SCFD2: variants seen among roughly 807,000 people sequenced by gnomAD.
SCFD2 encodes the protein sec1 family domain containing 2, also known as sec1 family domain-containing protein 2.
A neutral mutation model predicts 58.9 loss-of-function variants in SCFD2; 54 were observed. That is an observed-to-expected ratio of 0.92 (90% CI 0.74 to 1.15). The LOEUF (loss-of-function observed/expected upper bound fraction) is 1.15. SCFD2 is among the 50% of genes most tolerant of loss of function. The probability of loss-of-function intolerance (pLI) is 0.00; values close to 1 mark genes in which losing one functional copy is unlikely to be tolerated. For synonymous variants in SCFD2, 321 were observed against 335.9 expected, an observed-to-expected ratio of 0.96 and a Z score of 0.49; for missense variants, 805 against 836.6, an observed-to-expected ratio of 0.96 and a Z score of 0.47.
chr4:53,097,064 A>T (rs1724673002), intron 5 of SCFD2, among the ~76,000 whole-genome samples: 1 of 152,012 alleles, frequency 6.6e-6, no homozygotes, highest in South Asian at 2.1e-4. Context: ...GTTCTGTTCC[A>T]TTGGTCTATA....
At chr4:53,040,237 A>G (rs1459872598) in intron 5 of SCFD2, among the ~76,000 whole-genome samples, 1 of 152,160 alleles carries the variant, frequency 6.6e-6, no homozygotes, top group Non-Finnish European at 1.5e-5. Context: ...GAAGCAATAT[A>G]TCTTTATCTG....
chr4:53,081,788 C>T (rs1342956177), intron 5 of SCFD2, among the ~76,000 whole-genome samples: 1 of 152,090 alleles, frequency 6.6e-6, no homozygotes, highest in African/African-American at 2.4e-5. Flanking sequence ...ACTGAAATCA[C>T]CCCTTAAAGA....
intron 5 of SCFD2, among the ~76,000 whole-genome samples, chr4:53,070,083 T>A (rs1477135654): frequency 6.6e-6 from 1 of 152,004 alleles, no homozygotes; most frequent in African/African-American, 2.4e-5. Flanking sequence ...TTCTTACTAG[T>A]CATTAATTAA....
At chr4:53,105,581 C>A (rs911240412) in intron 5 of SCFD2, among the ~76,000 whole-genome samples, 2 of 152,196 alleles carry the variant, frequency 1.3e-5, no homozygotes, top group African/African-American at 4.8e-5. Flanking sequence ...GAAGTTCAAA[C>A]AAGATGGAGC....
At chr4:53,059,093 G>A (rs1165933532) in intron 5 of SCFD2, among the ~76,000 whole-genome samples, 2 of 152,086 alleles carry the variant, frequency 1.3e-5, no homozygotes, top group African/African-American at 4.8e-5. Context: ...AAGCAGTTTA[G>A]AATATCAAAT....
intron 5 of SCFD2, among the ~76,000 whole-genome samples, chr4:53,132,676 T>C (rs913290283): frequency 1.3e-5 from 2 of 152,196 alleles, no homozygotes; most frequent in African/African-American, 4.8e-5. Flanking sequence ...CAGTCATTGT[T>C]TTGTACACTT....
At chr4:53,295,924 T>C (rs1408302336) in intron 3 of SCFD2, among the ~76,000 whole-genome samples, 2 of 152,366 alleles carry the variant, frequency 1.3e-5, no homozygotes, top group East Asian at 1.9e-4. Flanking sequence ...GTTCTGTTTA[T>C]GTGATGGATT....
chr4:53,227,394 T>A (rs1365986832), intron 4 of SCFD2, among the ~76,000 whole-genome samples: 3 of 152,174 alleles, frequency 2.0e-5, no homozygotes, highest in Non-Finnish European at 4.4e-5. Flanking sequence ...GAAATTTAGA[T>A]CTTAAATAAA....
chr4:53,218,307 C>G (rs1302829800), intron 4 of SCFD2, among the ~76,000 whole-genome samples: 2 of 152,230 alleles, frequency 1.3e-5, no homozygotes, highest in African/African-American at 4.8e-5. Context: ...GGTCTTTTCA[C>G]ATGTCCCATA....
chr4:53,107,902 C>T (rs1267487740), intron 5 of SCFD2, among the ~76,000 whole-genome samples: 2 of 152,176 alleles, frequency 1.3e-5, no homozygotes, highest in East Asian at 3.8e-4. Flanking sequence ...GAATTCTCCA[C>T]CCCAAATCAA....
At chr4:52,987,357 T>A (rs867464041) in intron 5 of SCFD2, among the ~76,000 whole-genome samples, 2 of 152,224 alleles carry the variant, frequency 1.3e-5, no homozygotes, top group African/African-American at 4.8e-5. Flanking sequence ...GTCACTCCCT[T>A]TCTTCTTTTG....
At chr4:53,307,220 G>A (rs1320055191) in intron 3 of SCFD2, among the ~76,000 whole-genome samples, 3 of 152,226 alleles carry the variant, frequency 2.0e-5, no homozygotes, top group Non-Finnish European at 4.4e-5. Context: ...TTCATGTAGG[G>A]AAATAGGTAA....
In SCFD2 at chr4:52,920,888, T is replaced by C; in HGVS notation, c.1562-18A>G. The C allele has an allele frequency of 6.3e-7, 1 of 1,580,898 alleles. No homozygotes were observed. The highest frequency in any genetic ancestry group is 1.1e-5 in the South Asian group (1 of 87,170). The stretch of plus-strand genomic sequence containing the variant: ...GTCCCAGTCTGAAAAAATCCAGAGA[T>C]ATTTTCTTGAGTGAGTAAATCTTTA... On this transcript the variant is annotated intron_variant, in intron 5 of 8. Transcript: ENST00000401642.
In SCFD2 at chr4:53,277,916, G is replaced by C. The variant is rs556464786; in HGVS notation, c.1136-3915C>G. On this transcript the variant is annotated intron_variant, in intron 3 of 8. Coordinates refer to ENST00000401642, the MANE Select transcript of SCFD2 (RefSeq NM_152540.4). ...AAATGCAAAAAAATTAGTTGGGCTT[G>C]GTGGTGGGCGCCTGTAGTCCCAGCT... Among the ~76,000 whole-genome samples, 24 of 152,210 alleles carry C rather than the reference G, an allele frequency of 1.6e-4. 1 individual carries two copies. In the South Asian group the frequency reaches 2.1e-3, roughly 13 times the overall value.
chr4:53,148,373 C>T lies in SCFD2; in HGVS notation c.1312-2791G>A, dbSNP rs547238561. ...TTGTACATGCCAATTTCTAAACTTA[C>T]ATTCTAAATCTGTTTAATGCATCCC... On this transcript the variant is annotated intron_variant, in intron 4 of 8. Transcript: ENST00000401642. Among the ~76,000 whole-genome samples the T allele has an allele frequency of 1.9e-4, 29 of 152,276 alleles. No homozygotes were observed. In the South Asian group the frequency reaches 3.9e-3, roughly 21 times the overall value.
intron 4 of SCFD2, among the ~76,000 whole-genome samples, chr4:53,183,543 C>A (rs993283549): frequency 6.6e-6 from 1 of 151,902 alleles, no homozygotes; most frequent in African/African-American, 2.4e-5. Flanking sequence ...AGGAGATATA[C>A]CTAATACTAA....
At chr4:52,955,201 G>T (rs1342521263) in intron 5 of SCFD2, among the ~76,000 whole-genome samples, 3 of 152,190 alleles carry the variant, frequency 2.0e-5, no homozygotes, top group African/African-American at 7.2e-5. Context: ...CATTGGACAG[G>T]AGAGCTTAGG....
At chr4:53,139,034 C>A (rs1336786864) in intron 5 of SCFD2, among the ~76,000 whole-genome samples, 1 of 152,146 alleles carries the variant, frequency 6.6e-6, no homozygotes, top group East Asian at 1.9e-4. Flanking sequence ...CCACGCGTGA[C>A]TGGTTTTTGT....
rs1318786488 is a variant in SCFD2, at chr4:53,304,109, A to G, written c.1135+9527T>C. Among the ~76,000 whole-genome samples, 6 of 152,134 alleles carry G rather than the reference A, an allele frequency of 3.9e-5. No individual in the cohort carries two copies. The East Asian group carries it at 9.7e-4, about 25-fold the overall frequency. On this transcript the variant is annotated intron_variant, in intron 3 of 8. Coordinates refer to ENST00000401642, the MANE Select transcript of SCFD2 (RefSeq NM_152540.4). Reference sequence around the variant, plus strand: ...CTAAAACTTAAATAATAATAAAAAAAAAAAGAAAAGAAAATTCTTTTCTTT... The same window carrying G: ...CTAAAACTTAAATAATAATAAAAAAGAAAAGAAAAGAAAATTCTTTTCTTT...
Sources: allele counts gnomAD v4.1 joint callset (sites outside exome capture counted in the v4.1 genomes callset), GRCh38; gene constraint gnomAD v4.1.1; transcripts MANE v1.5; gene names NCBI Gene and HGNC (gene_info 2026-07-23, HGNC 2026-07-21).